SPAG16: variants seen among roughly 807,000 people sequenced by gnomAD.
The protein encoded by SPAG16 is sperm associated antigen 16.
SPAG16 carries 86 observed loss-of-function variants against 80.4 expected under a neutral mutation model. The observed-to-expected ratio is 1.07, with a 90% confidence interval of 0.90 to 1.28. SPAG16 has a LOEUF of 1.28. SPAG16 is among the 50% of genes most tolerant of loss of function. The pLI is 0.00. For missense variants in SPAG16, 870 were observed against 765.3 expected, an observed-to-expected ratio of 1.14 and a Z score of -1.61; for synonymous variants, 294 against 265.9, an observed-to-expected ratio of 1.11 and a Z score of -1.03.
Position 213,990,081 on chromosome 2 carries a change from A to G in SPAG16, c.1401-23870A>G, listed in dbSNP as rs535226684. Among the ~76,000 whole-genome samples the G allele has an allele frequency of 2.0e-5, 3 of 152,222 alleles. No homozygotes were observed. In the South Asian group the frequency reaches 6.2e-4, roughly 32 times the overall value. On this transcript the variant is annotated intron_variant, in intron 12 of 15. Coordinates refer to ENST00000331683, the MANE Select transcript of SPAG16 (RefSeq NM_024532.5). ...TTTATGTCTACTAGAAAGGTGTCCAATCTAAACTGAGTACCTTCCCCTTTG... is the reference window on the plus strand; with the variant it reads ...TTTATGTCTACTAGAAAGGTGTCCAGTCTAAACTGAGTACCTTCCCCTTTG...
At chr2:213,760,254 A>G (rs930656483) in intron 10 of SPAG16, among the ~76,000 whole-genome samples, 9 of 152,180 alleles carry the variant, frequency 5.9e-5, no homozygotes, top group Admixed American at 4.6e-4. Flanking sequence ...CAGGCAAATA[A>G]CCAAACAAGA....
At chr2:213,848,586 A>G (rs1488425867) in intron 10 of SPAG16, among the ~76,000 whole-genome samples, 2 of 152,116 alleles carry the variant, frequency 1.3e-5, no homozygotes, top group Admixed American at 1.3e-4. Context: ...CATTGTAGTT[A>G]TATCTATCTG....
intron 12 of SPAG16, among the ~76,000 whole-genome samples, chr2:213,956,432 C>T (rs1225053856): frequency 1.4e-5 from 2 of 144,700 alleles, no homozygotes; most frequent in Non-Finnish European, 3.0e-5. Context: ...TGAGACTTTA[C>T]TCCATTTTTT....
intron 12 of SPAG16, among the ~76,000 whole-genome samples, chr2:214,008,069 TA>T (rs1264204596): frequency 6.6e-6 from 1 of 152,158 alleles, no homozygotes; most frequent in Non-Finnish European, 1.5e-5. Context: ...GGTTTTTCAA[TA>T]TTTTTTCTGT....
At chr2:214,180,712 A>G (rs1383439691) in intron 15 of SPAG16, among the ~76,000 whole-genome samples, 1 of 151,712 alleles carries the variant, frequency 6.6e-6, no homozygotes, top group Non-Finnish European at 1.5e-5. Context: ...ATATTTTTAT[A>G]ATTAAGTGCA....
At chr2:213,433,915 CTTTTTT>C (rs33989475) in intron 9 of SPAG16, among the ~76,000 whole-genome samples, 53 of 85,018 alleles carry the variant, frequency 6.2e-4, no homozygotes, top group Admixed American at 7.0e-4. Context: ...TTTTCTTTGT[CTTTTTT>C]TTTTTTTTTT....
intron 12 of SPAG16, among the ~76,000 whole-genome samples, chr2:214,012,289 T>TATATATATATATATA (rs71034604): frequency 2.7e-4 from 7 of 26,090 alleles, no homozygotes; most frequent in African/African-American, 7.7e-4. Flanking sequence ...TATATATATA[T>TATATATATATATATA]TTTTTTTTTT....
intron 10 of SPAG16, among the ~76,000 whole-genome samples, chr2:213,674,210 T>A (rs184482203): frequency 5.3e-5 from 8 of 152,260 alleles, no homozygotes; most frequent in Non-Finnish European, 8.8e-5. Context: ...GTTATAATTT[T>A]ATAGTTTCAT....
At chr2:213,552,079 T>C (rs2076796282) in intron 10 of SPAG16, among the ~76,000 whole-genome samples, 1 of 152,178 alleles carries the variant, frequency 6.6e-6, no homozygotes, top group Non-Finnish European at 1.5e-5. Context: ...AAGTAGGAAA[T>C]AAGGAAGGTG....
At chr2:213,558,924 C>G (rs2059516359) in intron 10 of SPAG16, among the ~76,000 whole-genome samples, 1 of 152,084 alleles carries the variant, frequency 6.6e-6, no homozygotes, top group Non-Finnish European at 1.5e-5. Context: ...TGTCATTTCA[C>G]TCATAATTAC....
chr2:213,329,381 T>G (rs2063987976), intron 5 of SPAG16, among the ~76,000 whole-genome samples: 1 of 152,130 alleles, frequency 6.6e-6, no homozygotes, highest in African/African-American at 2.4e-5. Flanking sequence ...TGAGATGATC[T>G]CAGATGGAGA....
At chr2:214,054,562 A>G (rs2049836095) in intron 13 of SPAG16, among the ~76,000 whole-genome samples, 1 of 152,176 alleles carries the variant, frequency 6.6e-6, no homozygotes, top group African/African-American at 2.4e-5. Context: ...AATATCCACC[A>G]AATTATTAAC....
intron 10 of SPAG16, among the ~76,000 whole-genome samples, chr2:213,646,053 T>A (rs984134629): frequency 3.9e-5 from 6 of 152,154 alleles, no homozygotes; most frequent in African/African-American, 1.4e-4. Flanking sequence ...GTTTAGTGCC[T>A]CACAATTGCT....
At chr2:213,503,813 G>A (rs2074852497) in intron 10 of SPAG16, among the ~76,000 whole-genome samples, 1 of 152,030 alleles carries the variant, frequency 6.6e-6, no homozygotes, top group African/African-American at 2.4e-5. Flanking sequence ...AAATGTAACC[G>A]GACCCAGGTT....
At chr2:214,240,422 A>C (rs993241424) in intron 15 of SPAG16, 15 of 152,210 alleles carry the variant, frequency 9.9e-5, no homozygotes, top group Non-Finnish European at 2.1e-4. Flanking sequence ...ATCAGGCTTT[A>C]TCATTGTCTA....
At chr2:213,767,171 T>C (rs1203393059) in intron 10 of SPAG16, among the ~76,000 whole-genome samples, 1 of 152,200 alleles carries the variant, frequency 6.6e-6, no homozygotes, top group Admixed American at 6.5e-5. Flanking sequence ...AATTCATACA[T>C]TGTTGGGCTT....
intron 15 of SPAG16, among the ~76,000 whole-genome samples, chr2:214,288,752 CTTAT>C (rs58056064): frequency 8.1e-4 from 114 of 141,532 alleles, no homozygotes; most frequent in African/African-American, 1.9e-3. Flanking sequence ...CCTTTGCCCA[CTTAT>C]TTATTTATTT....
intron 10 of SPAG16, among the ~76,000 whole-genome samples, chr2:213,734,518 A>C (rs2067199344): frequency 6.6e-6 from 1 of 152,248 alleles, no homozygotes; most frequent in Non-Finnish European, 1.5e-5. Context: ...CTTTGAAAAA[A>C]TAACAGAAAT....
intron 10 of SPAG16, among the ~76,000 whole-genome samples, chr2:213,607,735 A>C (rs886715794): frequency 2.5e-4 from 38 of 152,318 alleles, no homozygotes; most frequent in African/African-American, 8.9e-4. Context: ...TCTAAAATAC[A>C]TCTAAGATAC....
Sources: gnomAD v4.1 joint callset for allele counts (sites outside exome capture counted in the v4.1 genomes callset) on GRCh38, gnomAD v4.1.1 for gene constraint, MANE v1.5 for transcripts, NCBI Gene and HGNC (gene_info 2026-07-23, HGNC 2026-07-21) for gene names.